Variants in TMIGD3 observed in about 807,000 individuals in gnomAD.
TMIGD3 encodes transmembrane and immunoglobulin domain containing 3.
In TMIGD3, 21 loss-of-function variants were observed where a neutral mutation model predicts 28.1. The ratio of observed to expected loss-of-function variants is 0.75; its 90% CI spans 0.53 to 1.08. The LOEUF is 1.08. Among genes scored for constraint, TMIGD3 ranks in the 50% least tolerant of loss-of-function variants. The pLI, the probability that TMIGD3 is intolerant of heterozygous loss-of-function variation, is 0.00. For missense variants in TMIGD3, 416 were observed against 435.6 expected, an observed-to-expected ratio of 0.96 and a Z score of 0.40; for synonymous variants, 151 against 162.1, an observed-to-expected ratio of 0.93 and a Z score of 0.52.
chr1:111,558,649 T>G (rs1200736421), intron 1 of TMIGD3, among the ~76,000 whole-genome samples: 1 of 147,136 alleles, frequency 6.8e-6, no homozygotes, highest in East Asian at 2.0e-4. Context: ...GACAAAAATT[T>G]TGCTAAAATA....
At chr1:111,528,535 TA>T (rs1656345835) in intron 1 of TMIGD3, among the ~76,000 whole-genome samples, 2 of 152,180 alleles carry the variant, frequency 1.3e-5, no homozygotes. Flanking sequence ...ATCAGTTTGT[TA>T]ATATCCACAA....
At position 111,529,204 on chromosome 1, in the gene TMIGD3, A is replaced by T. The variant is rs554947725; in HGVS notation, c.107+34642T>A. 5.4e-3 allele frequency among the ~76,000 whole-genome samples: 820 copies of T among 152,018 alleles called. 11 individuals are homozygous for T. The highest frequency in any genetic ancestry group is 0.018 in the African/African-American group (751 of 41,492). On this transcript the variant is annotated intron_variant, in intron 1 of 5. Transcript: ENST00000369717. Reference sequence around the variant, plus strand: ...ACTACCATATTGTCTCTATCATAGAACAAAACTCAAAAATTTCAAGATTTA... The same window carrying T: ...ACTACCATATTGTCTCTATCATAGATCAAAACTCAAAAATTTCAAGATTTA...
Position 111,487,508 on chromosome 1 carries a change from GA to G in TMIGD3, c.806-857del, listed in dbSNP as rs111697680. Among the ~76,000 whole-genome samples the G allele has an allele frequency of 7.0e-3, 994 of 142,168 alleles. 13 individuals are homozygous for G. The highest frequency in any genetic ancestry group is 0.021 in the African/African-American group (805 of 38,912). The allele number at this position is 142,168 out of a possible 152,430, so 93.3% of individuals were successfully genotyped here. A position where few individuals can be genotyped will look rare whatever the true frequency, so the allele number is the denominator to read the frequency against. On this transcript the variant is annotated intron_variant, in intron 3 of 5. Coordinates refer to ENST00000369716, the MANE Select transcript of TMIGD3 (RefSeq NM_020683.7). ...ACAACAAGAAGGCACAGGGGAAAGA[GA>G]AAAAAAAAAAGGAAGAAAGAAAGGC... is the stretch of plus-strand genomic sequence containing the variant.
At chr1:111,490,582 G>T in intron 2 of TMIGD3, 74 bp downstream of exon 2, 1 of 1,110,640 alleles carries the variant, frequency 9.0e-7, no homozygotes, top group Non-Finnish European at 1.4e-6. Context: ...CTCCAAGTAG[G>T]TGAGGACTTC....
intron 1 of TMIGD3, among the ~76,000 whole-genome samples, chr1:111,491,015 G>A (rs191367504): frequency 2.6e-5 from 4 of 152,352 alleles, no homozygotes; most frequent in Admixed American, 2.0e-4. Flanking sequence ...CATGCACACA[G>A]CCATCACTGG....
At chr1:111,513,490 T>G (rs79006432) in intron 1 of TMIGD3, among the ~76,000 whole-genome samples, 1,536 of 152,342 alleles carry the variant, frequency 0.01, 8 homozygotes, top group Non-Finnish European at 0.017. Flanking sequence ...TTCAAAGAAG[T>G]AAATAAATAA....
chr1:111,484,238 C>T (rs892577054), intron 5 of TMIGD3, among the ~76,000 whole-genome samples: 1 of 152,178 alleles, frequency 6.6e-6, no homozygotes, highest in African/African-American at 2.4e-5. Context: ...GTCTTCCTCC[C>T]CCTCTACAAG....
intron 1 of TMIGD3, among the ~76,000 whole-genome samples, chr1:111,524,028 C>CTTTTTTT (rs35046603): frequency 2.8e-5 from 3 of 108,790 alleles, no homozygotes; most frequent in Non-Finnish European, 3.6e-5. Context: ...TCTTTCTTTT[C>CTTTTTTT]TTTTTTTTTT....
At chr1:111,513,860 G>A (rs1194171499) in intron 1 of TMIGD3, among the ~76,000 whole-genome samples, 2 of 152,136 alleles carry the variant, frequency 1.3e-5, no homozygotes, top group East Asian at 1.9e-4. Context: ...AATGACCAAC[G>A]TGAACTCTAT....
At chr1:111,497,037 C>A (rs187361948) in intron 1 of TMIGD3, among the ~76,000 whole-genome samples, 1 of 152,054 alleles carries the variant, frequency 6.6e-6, no homozygotes, top group Non-Finnish European at 1.5e-5. Flanking sequence ...AATAAAAGCC[C>A]GCAGTTATTC....
intron 1 of TMIGD3, among the ~76,000 whole-genome samples, chr1:111,526,041 G>T (rs1196737981): frequency 1.3e-5 from 2 of 151,022 alleles, no homozygotes; most frequent in Non-Finnish European, 3.0e-5. Context: ...TCTGTTCTTG[G>T]GTTCTTTTTC....
At position 111,503,601 on chromosome 1, in the gene TMIGD3, T is replaced by A. The variant is rs1655367708; in HGVS notation, c.-247A>T. The A allele has an allele frequency of 3.0e-6, 4 of 1,331,062 alleles. No individual in the cohort carries two copies. Among genetic ancestry groups the A allele is most frequent in the Non-Finnish European group, 3.9e-6 (4 of 1,035,224 alleles). The allele number at this position is 1,331,062 out of a possible 1,614,324, so 82.5% of individuals were successfully genotyped here. On this transcript the variant is annotated 5_prime_UTR_variant, in exon 1 of 6. Coordinates refer to ENST00000369716, the MANE Select transcript of TMIGD3 (RefSeq NM_020683.7). ...TTTATGCACCGCACATCCTCAAGTT[T>A]CCAGAATGCTGTAGGACAGCTCTAT...
At chr1:111,494,374 C>CA (rs1272359830) in intron 1 of TMIGD3, among the ~76,000 whole-genome samples, 2 of 152,186 alleles carry the variant, frequency 1.3e-5, no homozygotes, top group Non-Finnish European at 2.9e-5. Context: ...TTTCAGAAAA[C>CA]AAAATCAATG....
intron 1 of TMIGD3, among the ~76,000 whole-genome samples, chr1:111,540,011 A>G (rs1378189301): frequency 1.3e-5 from 2 of 152,260 alleles, no homozygotes; most frequent in African/African-American, 2.4e-5. Flanking sequence ...ATGCACCATT[A>G]CTTGAGACCA....
At chr1:111,544,767 A>G (rs1300245619) in intron 1 of TMIGD3, among the ~76,000 whole-genome samples, 1 of 151,186 alleles carries the variant, frequency 6.6e-6, no homozygotes, top group East Asian at 1.9e-4. Flanking sequence ...GGTATATCCA[A>G]TTTGGTACAT....
chr1:111,509,928 A>G lies in TMIGD3; in HGVS notation c.108-19166T>C, dbSNP rs146027519. ...TCTGGGCAGCACAGCAGCAAATGGC[A>G]GAGCTAGGGCCTGAACCCAAGTCTA... On this transcript the variant is annotated intron_variant, in intron 1 of 5. Coordinates refer to the TMIGD3 transcript ENST00000369717. Among the ~76,000 whole-genome samples the G allele has an allele frequency of 8.3e-3, 1,269 of 152,384 alleles. 6 individuals are homozygous for G. Among genetic ancestry groups the G allele is most frequent in the Admixed American group, 0.017 (266 of 15,312 alleles).
chr1:111,507,730 A>G (rs1655558512), upstream of TMIGD3, among the ~76,000 whole-genome samples: 1 of 152,200 alleles, frequency 6.6e-6, no homozygotes, highest in South Asian at 2.1e-4. Context: ...GAGTTGCACA[A>G]AATCAGCTTG....
intron 1 of TMIGD3, among the ~76,000 whole-genome samples, chr1:111,492,706 C>T (rs1262127634): frequency 6.6e-6 from 1 of 151,018 alleles, no homozygotes; most frequent in Non-Finnish European, 1.5e-5. Context: ...CCCAGCTACT[C>T]AGGAGGCTGA....
chr1:111,558,224 C>T (rs1032901019), intron 1 of TMIGD3, among the ~76,000 whole-genome samples: 5 of 152,172 alleles, frequency 3.3e-5, no homozygotes, highest in African/African-American at 9.7e-5. Flanking sequence ...ACTGCCCAGG[C>T]TGGAGTGCAG....
Sources: gnomAD v4.1 joint callset for allele counts (sites outside exome capture counted in the v4.1 genomes callset) on GRCh38, gnomAD v4.1.1 for gene constraint, MANE v1.5 for transcripts, NCBI Gene and HGNC (gene_info 2026-07-23, HGNC 2026-07-21) for gene names.